GRXCR1: variants seen among roughly 807,000 people sequenced by gnomAD.
GRXCR1 encodes glutaredoxin domain-containing cysteine-rich protein 1.
In GRXCR1, 27 loss-of-function variants were observed where a neutral mutation model predicts 27.3. The ratio of observed to expected loss-of-function variants is 0.99; its 90% confidence interval spans 0.73 to 1.37. The LOEUF is 1.37. Ranked by LOEUF, GRXCR1 falls within the 40% of genes most tolerant of loss-of-function variation. The pLI is 0.00. For missense variants in GRXCR1, 379 were observed against 354.4 expected, an observed-to-expected ratio of 1.07 and a Z score of -0.56; for synonymous variants, 122 against 131.1, an observed-to-expected ratio of 0.93 and a Z score of 0.47.
intron 2 of GRXCR1, among the ~76,000 whole-genome samples, chr4:42,982,410 A>G (rs1748697574): frequency 1.6e-5 from 2 of 127,432 alleles, no homozygotes; most frequent in Non-Finnish European, 3.3e-5. Context: ...GCTGCATAGT[A>G]TTCCATGGTG....
chr4:42,929,790 T>C (rs751360653), intron 1 of GRXCR1, among the ~76,000 whole-genome samples: 4 of 152,090 alleles, frequency 2.6e-5, no homozygotes, highest in Non-Finnish European at 5.9e-5. Flanking sequence ...ATCCTTGATA[T>C]AGCAATAATA....
intron 1 of GRXCR1, among the ~76,000 whole-genome samples, chr4:42,914,871 T>C (rs1746850356): frequency 6.6e-6 from 1 of 151,940 alleles, no homozygotes; most frequent in African/African-American, 2.4e-5. Flanking sequence ...AGTGAGTGAG[T>C]TCTAATGTGA....
chr4:43,015,495 CTATT>C (rs1158403898), intron 2 of GRXCR1, among the ~76,000 whole-genome samples: 1 of 152,008 alleles, frequency 6.6e-6, no homozygotes, highest in East Asian at 1.9e-4. Flanking sequence ...AGCAAGAATA[CTATT>C]TATTATGTCA....
At chr4:42,905,093 A>C (rs985563826) in intron 1 of GRXCR1, among the ~76,000 whole-genome samples, 1 of 152,216 alleles carries the variant, frequency 6.6e-6, no homozygotes, top group Non-Finnish European at 1.5e-5. Context: ...ACCCTGCCAC[A>C]CAAACCTGTT....
At chr4:42,933,743 A>G (rs1181186956) in intron 1 of GRXCR1, among the ~76,000 whole-genome samples, 2 of 151,890 alleles carry the variant, frequency 1.3e-5, no homozygotes, top group Non-Finnish European at 2.9e-5. Flanking sequence ...CTGAACCAGG[A>G]AATGGGCTCT....
intron 1 of GRXCR1, among the ~76,000 whole-genome samples, chr4:42,944,949 T>C (rs921975797): frequency 6.6e-6 from 1 of 152,144 alleles, no homozygotes; most frequent in Non-Finnish European, 1.5e-5. Flanking sequence ...GTCTGAATGT[T>C]TGTACACTCT....
At chr4:42,966,956 T>A (rs1419834264) in intron 2 of GRXCR1, among the ~76,000 whole-genome samples, 1 of 152,106 alleles carries the variant, frequency 6.6e-6, no homozygotes, top group African/African-American at 2.4e-5. Context: ...CCTTACTAGA[T>A]ATGTCTTTTG....
At chr4:43,009,642 TC>T (rs918464474) in intron 2 of GRXCR1, among the ~76,000 whole-genome samples, 1 of 152,120 alleles carries the variant, frequency 6.6e-6, no homozygotes, top group Non-Finnish European at 1.5e-5. Context: ...TAGATGGCCA[TC>T]TTTTTCCTGT....
intron 1 of GRXCR1, among the ~76,000 whole-genome samples, chr4:42,940,241 T>C (rs1236411840): frequency 1.3e-5 from 2 of 152,120 alleles, no homozygotes; most frequent in Admixed American, 6.6e-5. Flanking sequence ...GTACACACTT[T>C]GCCTCCAGCA....
intron 1 of GRXCR1, among the ~76,000 whole-genome samples, chr4:42,960,867 G>T (rs1393070132): frequency 6.6e-6 from 1 of 151,702 alleles, no homozygotes; most frequent in African/African-American, 2.4e-5. Context: ...TAAGTTCTGG[G>T]GAACATGTGC....
intron 2 of GRXCR1, among the ~76,000 whole-genome samples, chr4:42,982,691 G>A (rs201098316): frequency 0.015 from 2,074 of 134,548 alleles, 7 homozygotes; most frequent in South Asian, 0.032. Context: ...AAGTGTTCCT[G>A]TTTCTCCACA....
chr4:42,998,481 G>A (rs993224695), intron 2 of GRXCR1, among the ~76,000 whole-genome samples: 6 of 152,132 alleles, frequency 3.9e-5, no homozygotes, highest in African/African-American at 1.4e-4. Context: ...AGTCTCTGAA[G>A]ACAATATCAC....
chr4:42,956,607 T>C (rs922160762), intron 1 of GRXCR1, among the ~76,000 whole-genome samples: 4 of 152,270 alleles, frequency 2.6e-5, no homozygotes, highest in Non-Finnish European at 4.4e-5. Flanking sequence ...CAGAACATTT[T>C]ACTGAATAGT....
At chr4:42,980,088 T>C (rs541580362) in intron 2 of GRXCR1, among the ~76,000 whole-genome samples, 1 of 152,122 alleles carries the variant, frequency 6.6e-6, no homozygotes, top group East Asian at 1.9e-4. Flanking sequence ...TGATTTTATT[T>C]TTTCAATAAA....
chr4:43,003,051 C>A (rs769020361), intron 2 of GRXCR1, among the ~76,000 whole-genome samples: 1 of 152,120 alleles, frequency 6.6e-6, no homozygotes, highest in Non-Finnish European at 1.5e-5. Context: ...TCTCTCCTGC[C>A]ACCACATGAA....
chr4:42,987,261 A>AGCCACTCTCACT (rs1491549715), intron 2 of GRXCR1, among the ~76,000 whole-genome samples: 1 of 97,274 alleles, frequency 1.0e-5, no homozygotes, highest in Non-Finnish European at 2.1e-5. Flanking sequence ...ATATATATAT[A>AGCCACTCTCACT]ATATATATAT....
chr4:42,940,069 A>T lies in GRXCR1; in HGVS notation c.385-22823A>T, dbSNP rs536763887. Among the ~76,000 whole-genome samples, 16 of 152,022 alleles carry T rather than the reference A, an allele frequency of 1.1e-4. No individual in the cohort carries two copies. In the South Asian group the frequency reaches 3.1e-3, roughly 30 times the overall value. The stretch of plus-strand genomic sequence containing the variant: ...ACGGCTCTGGGCACACTGAACAGTG[A>T]TTATTCTATTTCTGCTCCTCTGCCT... On this transcript the variant is annotated intron_variant, in intron 1 of 3. Transcript: ENST00000399770.
chr4:42,951,955 T>C (rs1747893190), intron 1 of GRXCR1, among the ~76,000 whole-genome samples: 2 of 152,178 alleles, frequency 1.3e-5, no homozygotes, highest in African/African-American at 4.8e-5. Flanking sequence ...TGTGGACAAA[T>C]GGATAATTCC....
At position 42,990,173 on chromosome 4, in the gene GRXCR1, C is replaced by CTTTTTTTTTTTTTTTTTTTT. The variant is rs745784596; in HGVS notation, c.627+27056_627+27075dup. 3.7e-4 allele frequency among the ~76,000 whole-genome samples: 17 copies of CTTTTTTTTTTTTTTTTTTTT among 46,230 alleles called. 8 individuals are homozygous for CTTTTTTTTTTTTTTTTTTTT. Among genetic ancestry groups the CTTTTTTTTTTTTTTTTTTTT allele is most frequent in the Admixed American group, 7.3e-4 (2 of 2,756 alleles). 30.3% of individuals were successfully genotyped at this position (46,230 alleles called of 152,430 possible). On this transcript the variant is annotated intron_variant, in intron 2 of 3. Coordinates refer to ENST00000399770, the MANE Select transcript of GRXCR1 (RefSeq NM_001080476.3). ...AACTTCTTGAATTGAATTATTAGTT[C>CTTTTTTTTTTTTTTTTTTTT]TTTTTTTTTTTTTTTTTTTTTTTTT...
Sources: allele counts gnomAD v4.1 joint callset (sites outside exome capture counted in the v4.1 genomes callset), GRCh38; gene constraint gnomAD v4.1.1; transcripts MANE v1.5; gene names NCBI Gene and HGNC (gene_info 2026-07-23, HGNC 2026-07-21).